ZFHX3: variants seen among roughly 807,000 people sequenced by gnomAD.
ZFHX3 encodes zinc finger homeobox 3, also known as zinc finger homeobox protein 3.
Under a neutral mutation model 279.1 loss-of-function variants are expected in ZFHX3, and 42 were observed. That is an observed-to-expected ratio of 0.15 (90% CI 0.12 to 0.19). ZFHX3 has a LOEUF of 0.19. Among genes scored for constraint, ZFHX3 ranks in the 10% least tolerant of loss-of-function variants. The pLI is 1.00. For synonymous variants in ZFHX3, 2,293 were observed against 1,957.8 expected (o/e 1.17, Z -4.52); for missense variants, 4,981 against 4,754.0 (o/e 1.05, Z -1.40).
chr16:73,632,691 A>G (rs1370451831), intron 2 of ZFHX3, among the ~76,000 whole-genome samples: 2 of 151,064 alleles, frequency 1.3e-5, no homozygotes, highest in Non-Finnish European at 3.0e-5. Context: ...TCTCAAAAAA[A>G]AAAAAAAAGA....
chr16:73,469,556 T>G (rs913408921), intron 2 of ZFHX3, among the ~76,000 whole-genome samples: 3 of 152,154 alleles, frequency 2.0e-5, no homozygotes, highest in Admixed American at 6.5e-5. Flanking sequence ...TCAAAGCTGA[T>G]GCCCATTGAA....
At chr16:73,457,913 C>G (rs536587510) in intron 2 of ZFHX3, among the ~76,000 whole-genome samples, 62 of 152,362 alleles carry the variant, frequency 4.1e-4, no homozygotes, top group African/African-American at 1.2e-3. Context: ...TCCATCCCAA[C>G]TTCCTTCCCA....
chr16:72,790,770 A>G (rs1195874032), intron 9 of ZFHX3: 1 of 152,224 alleles, frequency 6.6e-6, no homozygotes, highest in Non-Finnish European at 1.5e-5. Flanking sequence ...AACTTGGGAC[A>G]TGGCTCTGTC....
At chr16:73,021,452 C>T (rs1251232716) in intron 1 of ZFHX3, among the ~76,000 whole-genome samples, 1 of 152,164 alleles carries the variant, frequency 6.6e-6, no homozygotes, top group Non-Finnish European at 1.5e-5. Context: ...TACCAAGAAC[C>T]TCAGAACATG....
At chr16:73,277,523 C>T (rs934281420) in intron 4 of ZFHX3, among the ~76,000 whole-genome samples, 2 of 152,166 alleles carry the variant, frequency 1.3e-5, no homozygotes, top group Admixed American at 6.5e-5. Context: ...AACAACTCCC[C>T]AAATTGTCGA....
chr16:72,963,322 A>G (rs554476461), intron 1 of ZFHX3, among the ~76,000 whole-genome samples: 14 of 152,120 alleles, frequency 9.2e-5, no homozygotes, highest in Non-Finnish European at 2.1e-4. Context: ...AACTCCCTCT[A>G]AAAAATGTCC....
chr16:73,124,597 C>A (rs1387498401), intron 7 of ZFHX3, among the ~76,000 whole-genome samples: 1 of 152,188 alleles, frequency 6.6e-6, no homozygotes, highest in Non-Finnish European at 1.5e-5. Flanking sequence ...ACAGTACATG[C>A]TTTGCAGGGT....
At chr16:73,875,125 GTTGT>G (rs1182693556) in intron 1 of ZFHX3, among the ~76,000 whole-genome samples, 3 of 152,082 alleles carry the variant, frequency 2.0e-5, no homozygotes, top group African/African-American at 7.2e-5. Context: ...ATAAATCTAG[GTTGT>G]TTAAGGAGTA....
chr16:72,977,297 C>T (rs140370394), intron 1 of ZFHX3, among the ~76,000 whole-genome samples: 2 of 152,128 alleles, frequency 1.3e-5, no homozygotes, highest in African/African-American at 4.8e-5. Context: ...CTGGCCTCCC[C>T]AGGTCTTATG....
chr16:73,275,933 C>A (rs974967908), intron 4 of ZFHX3, among the ~76,000 whole-genome samples: 1 of 152,012 alleles, frequency 6.6e-6, no homozygotes. Flanking sequence ...TTCTATGGAC[C>A]GTATCCTTTG....
intron 3 of ZFHX3, among the ~76,000 whole-genome samples, chr16:72,915,846 A>T (rs984405131): frequency 4.6e-5 from 7 of 152,242 alleles, no homozygotes; most frequent in African/African-American, 1.7e-4. Flanking sequence ...TGTTATTAAT[A>T]AGTTAATCTC....
At chr16:73,623,881 T>A (rs189824146) in intron 2 of ZFHX3, among the ~76,000 whole-genome samples, 70 of 152,338 alleles carry the variant, frequency 4.6e-4, no homozygotes, top group Admixed American at 1.1e-3. Context: ...GTACTACAAT[T>A]ACCAAATATT....
chr16:73,669,839 G>T (rs1298088448), intron 2 of ZFHX3, among the ~76,000 whole-genome samples: 1 of 152,064 alleles, frequency 6.6e-6, no homozygotes, highest in Non-Finnish European at 1.5e-5. Context: ...AGCTTTGCTG[G>T]GGTATTTTTT....
At chr16:73,291,043 G>C (rs72797377) in intron 4 of ZFHX3, among the ~76,000 whole-genome samples, 4 of 152,120 alleles carry the variant, frequency 2.6e-5, no homozygotes, top group Admixed American at 6.5e-5. Context: ...ACACATTCTA[G>C]CCAATCAAGT....
chr16:73,174,024 G>C (rs1446506040), intron 5 of ZFHX3, among the ~76,000 whole-genome samples: 1 of 152,126 alleles, frequency 6.6e-6, no homozygotes, highest in Non-Finnish European at 1.5e-5. Flanking sequence ...TAGTTTCCGG[G>C]CTCCCAAAAT....
At chr16:73,379,497 C>T (rs1360722673) in intron 3 of ZFHX3, among the ~76,000 whole-genome samples, 1 of 152,208 alleles carries the variant, frequency 6.6e-6, no homozygotes, top group African/African-American at 2.4e-5. Context: ...GGCTACCTAA[C>T]TCTCTTCACC....
intron 4 of ZFHX3, among the ~76,000 whole-genome samples, chr16:72,844,754 T>G (rs941528318): frequency 7.2e-5 from 11 of 152,156 alleles, no homozygotes; most frequent in Non-Finnish European, 1.6e-4. Context: ...TGCAAATGAC[T>G]CTGGTTCCTA....
intron 1 of ZFHX3, among the ~76,000 whole-genome samples, chr16:73,844,713 G>C (rs1961400937): frequency 6.6e-6 from 1 of 151,724 alleles, no homozygotes; most frequent in African/African-American, 2.4e-5. Context: ...AGATAAGTTA[G>C]GCAGACATGT....
intron 1 of ZFHX3, among the ~76,000 whole-genome samples, chr16:73,778,624 T>C (rs532678708): frequency 6.6e-6 from 1 of 152,310 alleles, no homozygotes; most frequent in African/African-American, 2.4e-5. Flanking sequence ...TTATTATCTA[T>C]TCAAAATGAC....
Sources: gnomAD v4.1 joint callset for allele counts (sites outside exome capture counted in the v4.1 genomes callset) on GRCh38, gnomAD v4.1.1 for gene constraint, MANE v1.5 for transcripts, NCBI Gene and HGNC (gene_info 2026-07-23, HGNC 2026-07-21) for gene names.